Variants in CCSER1 observed in about 807,000 individuals in gnomAD.
CCSER1 encodes serine-rich coiled-coil domain-containing protein 1.
In CCSER1, 41 loss-of-function variants were observed where a neutral mutation model predicts 82.0. The observed-to-expected ratio is 0.50, with a 90% CI of 0.39 to 0.65. The LOEUF is 0.65. CCSER1 is among the 30% of genes least tolerant of loss of function. The probability of loss-of-function intolerance (pLI) is 0.00; values close to 1 mark genes in which losing one functional copy is unlikely to be tolerated. For missense variants in CCSER1, 1,119 were observed against 1,064.2 expected, an observed-to-expected ratio of 1.05 and a Z score of -0.72; for synonymous variants, 414 against 383.9, an observed-to-expected ratio of 1.08 and a Z score of -0.92.
chr4:90,751,199 A>G (rs17244283), intron 7 of CCSER1, among the ~76,000 whole-genome samples: 28,885 of 152,060 alleles, frequency 0.19, 3,323 homozygotes, highest in South Asian at 0.27. Context: ...GTTTAATAAC[A>G]TTGCTCCACA....
At chr4:90,691,921 A>G (rs1579956459) in intron 6 of CCSER1, among the ~76,000 whole-genome samples, 1 of 151,716 alleles carries the variant, frequency 6.6e-6, no homozygotes, top group East Asian at 1.9e-4. Context: ...ACTCAATAGA[A>G]ACACTTATAT....
chr4:91,209,326 C>T (rs1040500000), intron 10 of CCSER1, among the ~76,000 whole-genome samples: 5 of 151,822 alleles, frequency 3.3e-5, no homozygotes, highest in Middle Eastern at 3.2e-3. Flanking sequence ...TTTTTCTATT[C>T]AGTATGATGT....
At chr4:90,752,750 C>T (rs1464111520) in intron 7 of CCSER1, among the ~76,000 whole-genome samples, 1 of 151,988 alleles carries the variant, frequency 6.6e-6, no homozygotes, top group Admixed American at 6.6e-5. Flanking sequence ...AATTATTTAT[C>T]TCCATCTCAG....
intron 10 of CCSER1, among the ~76,000 whole-genome samples, chr4:91,183,487 A>G (rs1259341893): frequency 6.6e-6 from 1 of 152,188 alleles, no homozygotes; most frequent in Non-Finnish European, 1.5e-5. Context: ...GAAAATTATC[A>G]GCAATACCCA....
At chr4:90,707,538 A>AAAT (rs1553992152) in intron 6 of CCSER1, among the ~76,000 whole-genome samples, 2 of 138,050 alleles carry the variant, frequency 1.4e-5, no homozygotes, top group Admixed American at 7.5e-5. Context: ...TTAAAAAAAA[A>AAAT]ATATATATAT....
rs563992873 is a variant in CCSER1 at position 90,699,448 on chromosome 4, T to C, written c.1933-24466T>C. On this transcript the variant is annotated intron_variant, in intron 6 of 10. Coordinates refer to ENST00000509176, the MANE Select transcript of CCSER1 (RefSeq NM_001145065.2). ...CAATGTTAATGGGCAGTTGAATCAA[T>C]TGAATTTATACTTCCCTGTGCTAGG... 4.6e-5 allele frequency among the ~76,000 whole-genome samples: 7 copies of C among 152,264 alleles called. No individual in the cohort carries two copies. In the East Asian group the frequency reaches 1.4e-3, roughly 29 times the overall value.
At chr4:90,163,121 CAAATA>C (rs1729769495) in intron 1 of CCSER1, among the ~76,000 whole-genome samples, 1 of 151,958 alleles carries the variant, frequency 6.6e-6, no homozygotes, top group Non-Finnish European at 1.5e-5. Context: ...TATTTACATT[CAAATA>C]AAATAATCTT....
At chr4:90,496,955 C>A (rs560759213) in intron 5 of CCSER1, among the ~76,000 whole-genome samples, 1 of 112,880 alleles carries the variant, frequency 8.9e-6, no homozygotes, top group South Asian at 2.7e-4. Context: ...TCCAGCCTGG[C>A]GATAGAGCGA....
At chr4:90,982,328 C>T (rs974415735) in intron 9 of CCSER1, among the ~76,000 whole-genome samples, 6 of 151,638 alleles carry the variant, frequency 4.0e-5, no homozygotes, top group Non-Finnish European at 7.4e-5. Context: ...CATGACTTCA[C>T]GTAAACCTCA....
At chr4:91,218,522 C>T (rs910700056) in intron 10 of CCSER1, among the ~76,000 whole-genome samples, 1 of 152,234 alleles carries the variant, frequency 6.6e-6, no homozygotes, top group African/African-American at 2.4e-5. Context: ...TGCCAGCATG[C>T]TGTCACCTCT....
chr4:90,259,907 G>A (rs1187503386), intron 1 of CCSER1, among the ~76,000 whole-genome samples: 5 of 152,064 alleles, frequency 3.3e-5, no homozygotes, highest in Non-Finnish European at 7.4e-5. Flanking sequence ...GTTTATCAGT[G>A]ATATTGGTCT....
At chr4:91,258,046 G>C (rs896539945) in intron 10 of CCSER1, among the ~76,000 whole-genome samples, 1 of 152,064 alleles carries the variant, frequency 6.6e-6, no homozygotes, top group African/African-American at 2.4e-5. Flanking sequence ...TTTTCAGTGG[G>C]AAGTGAGACT....
chr4:90,343,823 G>A (rs1433360730), intron 3 of CCSER1, among the ~76,000 whole-genome samples: 1 of 152,068 alleles, frequency 6.6e-6, no homozygotes. Context: ...CATGCAATGT[G>A]TAAGAATCAC....
chr4:90,707,528 T>G (rs1463504181), intron 6 of CCSER1, among the ~76,000 whole-genome samples: 2 of 108,764 alleles, frequency 1.8e-5, no homozygotes, highest in Non-Finnish European at 3.8e-5. Flanking sequence ...CATTTCTACC[T>G]TAAAAAAAAA....
chr4:90,605,380 T>G (rs7687903), intron 5 of CCSER1, among the ~76,000 whole-genome samples: 22,663 of 152,254 alleles, frequency 0.15, 1,933 homozygotes, highest in East Asian at 0.35. Flanking sequence ...CAAGATGTTA[T>G]AAATATGGGC....
Position 90,470,140 on chromosome 4 carries a change from C to CT in CCSER1, c.1724+1793dup, listed in dbSNP as rs1560568718. On this transcript the variant is annotated intron_variant, in intron 5 of 10. Coordinates refer to ENST00000509176, the MANE Select transcript of CCSER1 (RefSeq NM_001145065.2). Reference sequence around the variant, plus strand: ...TTTAAGTAAAGCTACCATCATTTTTCTTTTTTTAAAATCTTGGTATGTTTT... The same window carrying CT: ...TTTAAGTAAAGCTACCATCATTTTTCTTTTTTTTAAAATCTTGGTATGTTTT... Among the ~76,000 whole-genome samples, 3 of 152,034 alleles carry CT rather than the reference C, an allele frequency of 2.0e-5. No homozygotes were observed. In the South Asian group the frequency reaches 6.2e-4, roughly 32 times the overall value.
chr4:90,789,302 T>C (rs1415560661), intron 7 of CCSER1, among the ~76,000 whole-genome samples: 1 of 152,204 alleles, frequency 6.6e-6, no homozygotes. Context: ...CCTTCTTAAA[T>C]TTGTTTGCTC....
intron 5 of CCSER1, among the ~76,000 whole-genome samples, chr4:90,614,619 A>G (rs1720859908): frequency 6.6e-6 from 1 of 152,162 alleles, no homozygotes; most frequent in Non-Finnish European, 1.5e-5. Flanking sequence ...GCCAAAGCCT[A>G]ATCCAGAGAA....
At chr4:91,153,928 G>T (rs563480129) in intron 10 of CCSER1, among the ~76,000 whole-genome samples, 6 of 152,072 alleles carry the variant, frequency 3.9e-5, no homozygotes, top group Admixed American at 3.3e-4. Flanking sequence ...CTACTGGGAG[G>T]TGCCTCCCAG....
Sources: gnomAD v4.1 joint callset for allele counts (sites outside exome capture counted in the v4.1 genomes callset) on GRCh38, gnomAD v4.1.1 for gene constraint, MANE v1.5 for transcripts, NCBI Gene and HGNC (gene_info 2026-07-23, HGNC 2026-07-21) for gene names.